Variants in TUSC3 observed in about 807,000 individuals in gnomAD.
TUSC3 encodes tumor suppressor candidate 3.
A neutral mutation model predicts 44.8 loss-of-function variants in TUSC3; 45 were observed. The observed-to-expected ratio is 1.00, with a 90% CI of 0.79 to 1.29. The LOEUF is 1.29. Ranked by LOEUF, TUSC3 falls within the 50% of genes most tolerant of loss-of-function variation. TUSC3 has a pLI of 0.00. For synonymous variants in TUSC3, 212 were observed against 152.9 expected, an observed-to-expected ratio of 1.39 and a Z score of -2.85; for missense variants, 519 against 437.9, an observed-to-expected ratio of 1.19 and a Z score of -1.65.
intron 2 of TUSC3, among the ~76,000 whole-genome samples, chr8:15,495,949 A>T (rs1800875032): frequency 6.6e-6 from 1 of 152,046 alleles, no homozygotes; most frequent in Non-Finnish European, 1.5e-5. Flanking sequence ...TGACCCTTCT[A>T]CCTTGCATTT....
intron 7 of TUSC3, among the ~76,000 whole-genome samples, chr8:15,737,582 G>C (rs1195868191): frequency 3.3e-5 from 5 of 152,102 alleles, no homozygotes; most frequent in Non-Finnish European, 5.9e-5. Flanking sequence ...AATGTGCAAA[G>C]TAATACAAAA....
the TUSC3 span, among the ~76,000 whole-genome samples, chr8:15,811,107 C>T: frequency 6.6e-6 from 1 of 152,260 alleles, no homozygotes; most frequent in Non-Finnish European, 1.5e-5. Flanking sequence ...GGAGTGTGAA[C>T]ATGCTTGGGA....
the TUSC3 span, among the ~76,000 whole-genome samples, chr8:15,809,532 C>A: frequency 6.6e-6 from 1 of 152,202 alleles, no homozygotes; most frequent in East Asian, 1.9e-4. Flanking sequence ...GTATCTAGTC[C>A]TATATATGTT....
intron 2 of TUSC3, among the ~76,000 whole-genome samples, chr8:15,526,549 T>C (rs1309125255): frequency 6.6e-6 from 1 of 151,874 alleles, no homozygotes; most frequent in Non-Finnish European, 1.5e-5. Context: ...GGTGAATAAG[T>C]CTCAGGAGAT....
chr8:15,686,987 G>C (rs1379602782), intron 6 of TUSC3, among the ~76,000 whole-genome samples: 2 of 152,054 alleles, frequency 1.3e-5, no homozygotes, highest in Non-Finnish European at 2.9e-5. Flanking sequence ...GCAGGAGAAT[G>C]GCCTGAACCC....
chr8:15,471,009 G>C (rs80268051), intron 1 of TUSC3, among the ~76,000 whole-genome samples: 7,777 of 152,208 alleles, frequency 0.051, 268 homozygotes, highest in South Asian at 0.11. Flanking sequence ...ATTTCATCAA[G>C]TAGATGATAA....
chr8:15,763,711 C>A (rs537167624), intron 10 of TUSC3, among the ~76,000 whole-genome samples: 1 of 152,070 alleles, frequency 6.6e-6, no homozygotes, highest in Admixed American at 6.6e-5. Flanking sequence ...GCTGATGTTT[C>A]ATCAGAAATT....
chr8:15,750,491 C>T (rs547475484), intron 9 of TUSC3, among the ~76,000 whole-genome samples: 7 of 151,078 alleles, frequency 4.6e-5, no homozygotes, highest in Non-Finnish European at 8.8e-5. Flanking sequence ...ATTTTTGTTA[C>T]GATAGGAAGA....
intron 2 of TUSC3, among the ~76,000 whole-genome samples, chr8:15,637,358 G>A (rs1341022621): frequency 6.6e-6 from 1 of 152,046 alleles, no homozygotes; most frequent in African/African-American, 2.4e-5. Flanking sequence ...TTTCTGCGTG[G>A]ATTCTGTCTG....
chr8:15,631,810 A>G (rs1656638942), intron 2 of TUSC3, among the ~76,000 whole-genome samples: 1 of 151,680 alleles, frequency 6.6e-6, no homozygotes. Flanking sequence ...GGTTCAAGCG[A>G]TTCTCCTGCC....
intron 9 of TUSC3, among the ~76,000 whole-genome samples, chr8:15,757,404 C>A (rs73665500): frequency 2.0e-5 from 3 of 152,104 alleles, no homozygotes; most frequent in African/African-American, 7.2e-5. Context: ...TGAACAAGTA[C>A]AGCAAGGCAA....
At chr8:15,653,535 G>T (rs1282644429) in intron 3 of TUSC3, among the ~76,000 whole-genome samples, 1 of 152,190 alleles carries the variant, frequency 6.6e-6, no homozygotes, top group Non-Finnish European at 1.5e-5. Flanking sequence ...GTTGAAGTCA[G>T]TTGTTTTTAA....
chr8:15,709,970 A>T (rs558026736), intron 6 of TUSC3, among the ~76,000 whole-genome samples: 2 of 151,918 alleles, frequency 1.3e-5, no homozygotes, highest in Admixed American at 6.6e-5. Flanking sequence ...TGACTTCCTT[A>T]TACTTAACAA....
At chr8:15,768,765 G>T (rs1812392790), downstream of TUSC3, among the ~76,000 whole-genome samples, 1 of 152,042 alleles carries the variant, frequency 6.6e-6, no homozygotes, top group African/African-American at 2.4e-5. Flanking sequence ...AAATCAATGT[G>T]CGAAAACCAC....
chr8:15,631,052 T>C (rs1047978046), intron 2 of TUSC3, among the ~76,000 whole-genome samples: 5 of 152,194 alleles, frequency 3.3e-5, no homozygotes, highest in Non-Finnish European at 7.3e-5. Context: ...TTAAGTTTCC[T>C]TAAATTTCTT....
At chr8:15,445,671 A>T (rs980627082) in intron 1 of TUSC3, among the ~76,000 whole-genome samples, 1 of 152,334 alleles carries the variant, frequency 6.6e-6, no homozygotes, top group Non-Finnish European at 1.5e-5. Flanking sequence ...AGGCAGAGGA[A>T]TTTTTCTTAG....
intron 6 of TUSC3, among the ~76,000 whole-genome samples, chr8:15,729,592 C>G (rs891345562): frequency 2.0e-5 from 3 of 152,072 alleles, no homozygotes; most frequent in African/African-American, 7.2e-5. Flanking sequence ...GGGCATTATC[C>G]TAAGCAAATT....
intron 9 of TUSC3, among the ~76,000 whole-genome samples, chr8:15,750,687 G>A (rs907342060): frequency 6.6e-6 from 1 of 152,172 alleles, no homozygotes; most frequent in East Asian, 1.9e-4. Flanking sequence ...TAAATAGTAA[G>A]CACATCTGAA....
At chr8:15,451,622 CCTTAGTTGTATCCT>C (rs1279765458) in intron 1 of TUSC3, among the ~76,000 whole-genome samples, 1 of 152,076 alleles carries the variant, frequency 6.6e-6, no homozygotes, top group African/African-American at 2.4e-5. Context: ...TCTAGTTGTT[CCTTAGTTGTATCCT>C]CTTAGAATAA....
Sources: allele counts gnomAD v4.1 joint callset (sites outside exome capture counted in the v4.1 genomes callset), GRCh38; gene constraint gnomAD v4.1.1; transcripts MANE v1.5; gene names NCBI Gene and HGNC (gene_info 2026-07-23, HGNC 2026-07-21).